KLB: variants seen among roughly 807,000 people sequenced by gnomAD.
KLB encodes the protein beta-klotho.
In KLB, 44 loss-of-function variants were observed where a neutral mutation model predicts 88.4. The ratio of observed to expected loss-of-function variants is 0.50; its 90% confidence interval spans 0.39 to 0.64. The LOEUF (loss-of-function observed/expected upper bound fraction) is 0.64. Among genes scored for constraint, KLB ranks in the 30% least tolerant of loss-of-function variants. The probability of loss-of-function intolerance (pLI) is 0.00; values close to 1 mark genes in which losing one functional copy is unlikely to be tolerated. For synonymous variants in KLB, 548 were observed against 513.4 expected (o/e 1.07, Z -0.91); for missense variants, 1,137 against 1,304.8 (o/e 0.87, Z 1.98).
chr4:39,410,724 AC>A (rs1326209008), intron 1 of KLB, among the ~76,000 whole-genome samples: 1 of 152,170 alleles, frequency 6.6e-6, no homozygotes, highest in Non-Finnish European at 1.5e-5. Flanking sequence ...TAGACCGAAA[AC>A]ATTTATTGAG....
In KLB at chr4:39,446,949, G is replaced by C. The variant is rs143166533; in HGVS notation, c.2223G>C (p.Ser741=). Residue 741 remains serine (S), a synonymous_variant, in exon 4 of 5, where the codon TCG becomes TCC. Coordinates refer to ENST00000257408, the MANE Select transcript of KLB (RefSeq NM_175737.4). This position sits in a 1 kb window ranked among gnomAD's most constrained non-coding sequence, Gnocchi z 6.4. The part of the protein sequence containing the change: ...RPSQRGAVSL[S]LHADWAEPAN... ...CACAGCGCGGGGCCGTGTCGCTGTC[G>C]CTGCACGCGGACTGGGCGGAACCCG... 2.2e-5 allele frequency: 35 copies of C among 1,605,384 alleles called. No individual in the cohort carries two copies. Among genetic ancestry groups the C allele is most frequent in the Non-Finnish European group, 3.0e-5 (35 of 1,178,992 alleles).
intron 1 of KLB, among the ~76,000 whole-genome samples, chr4:39,419,609 C>T (rs565333514): frequency 3.3e-5 from 5 of 151,932 alleles, no homozygotes; most frequent in Admixed American, 6.6e-5. Context: ...CCTGTCTCTA[C>T]TGAAAATACA....
chr4:39,426,391 G>A (rs917550157), intron 1 of KLB, among the ~76,000 whole-genome samples: 8 of 141,944 alleles, frequency 5.6e-5, no homozygotes, highest in Non-Finnish European at 9.1e-5. Context: ...CTCCAGCTGG[G>A]TGACAGAGCA....
intron 1 of KLB, among the ~76,000 whole-genome samples, chr4:39,418,938 C>A (rs1442088495): frequency 2.2e-5 from 3 of 135,184 alleles, no homozygotes; most frequent in Non-Finnish European, 4.8e-5. Context: ...TCAAAGATGC[C>A]ATCTCTAAAA....
At position 39,448,507 on chromosome 4, in the gene KLB, A is replaced by G. The variant is rs747413255; in HGVS notation, c.2956A>G (p.Thr986Ala). The change falls in exon 5 of 5, where the codon ACT becomes GCT. Residue 986 changes from threonine to alanine, a missense_variant. Transcript: ENST00000257408. ...TCAGACCCAAGAAAATACAGAGTGC[A>G]CTGTCTGCTTATTCCTTGTGCAGAA... ...CSQTQENTEC[T>A]VCLFLVQKKP... 1.2e-5 allele frequency: 19 copies of G among 1,614,058 alleles called. No homozygotes were observed. Among genetic ancestry groups the G allele is most frequent in the Non-Finnish European group, 1.6e-5 (19 of 1,180,016 alleles).
At chr4:39,425,085 TATC>T (rs1355584642) in intron 1 of KLB, among the ~76,000 whole-genome samples, 1 of 152,194 alleles carries the variant, frequency 6.6e-6, no homozygotes, top group Non-Finnish European at 1.5e-5. Flanking sequence ...AAGCCTTAAA[TATC>T]ATTACACCCT....
chr4:39,449,766 A>T lies in KLB; in HGVS notation c.*1080A>T, dbSNP rs1743848108. The T allele has an allele frequency of 6.6e-6, 1 of 152,028 alleles. No homozygotes were observed. The allele number at this position is 152,028 out of a possible 1,614,324, so 9.4% of individuals were successfully genotyped here. On this transcript the variant is annotated 3_prime_UTR_variant, in exon 5 of 5. Transcript: ENST00000257408. ...ATGGCAAAACCCCATCTCTACTAAA[A>T]ATACAAAAGTTAGCCGGGCATGGTG...
intron 1 of KLB, among the ~76,000 whole-genome samples, chr4:39,430,301 T>A (rs529196491): frequency 3.3e-5 from 5 of 151,340 alleles, no homozygotes; most frequent in Admixed American, 6.7e-5. Flanking sequence ...GGGTCTTCCA[T>A]GAATGATAGC....
intron 1 of KLB, among the ~76,000 whole-genome samples, chr4:39,416,332 A>G (rs1742964493): frequency 6.6e-6 from 1 of 152,236 alleles, no homozygotes; most frequent in South Asian, 2.1e-4. Context: ...AAAAGTAAAA[A>G]AATAAGTAGC....
rs34831449 is a variant in KLB, at chr4:39,416,108, GAC to G, written c.825+8364_825+8365del. 3.6e-3 allele frequency among the ~76,000 whole-genome samples: 515 copies of G among 142,606 alleles called. 3 individuals carry two copies. The highest frequency in any genetic ancestry group is 8.5e-3 in the South Asian group (38 of 4,456). The allele number at this position is 142,606 out of a possible 152,430, so 93.6% of individuals were successfully genotyped here. A position where few individuals can be genotyped will look rare whatever the true frequency, so the allele number is the denominator to read the frequency against. ...AACAACAAAAAAAAAGTAGATTGCA[GAC>G]ACACACACACACACACACACACACA... On this transcript the variant is annotated intron_variant, in intron 1 of 4. Transcript: ENST00000257408.
At chr4:39,412,173 T>G (rs1436381581) in intron 1 of KLB, among the ~76,000 whole-genome samples, 1 of 152,016 alleles carries the variant, frequency 6.6e-6, no homozygotes, top group Non-Finnish European at 1.5e-5. Flanking sequence ...ATACAATTCA[T>G]CCGTGTAACC....
chr4:39,414,154 A>G (rs1437663514), intron 1 of KLB, among the ~76,000 whole-genome samples: 3 of 152,190 alleles, frequency 2.0e-5, no homozygotes, highest in Non-Finnish European at 4.4e-5. Flanking sequence ...GGTTAAAGAC[A>G]TGAAGCACAA....
At chr4:39,431,486 G>A (rs1743361116) in intron 1 of KLB, among the ~76,000 whole-genome samples, 1 of 151,446 alleles carries the variant, frequency 6.6e-6, no homozygotes, top group African/African-American at 2.4e-5. Flanking sequence ...CCCGACCTCA[G>A]GTGATCCGCC....
chr4:39,426,684 C>T (rs1313584091), intron 1 of KLB, among the ~76,000 whole-genome samples: 1 of 69,806 alleles, frequency 1.4e-5, no homozygotes, highest in Non-Finnish European at 3.8e-5. Context: ...CCTTAAGCAT[C>T]CAATAATTTT....
intron 1 of KLB, among the ~76,000 whole-genome samples, chr4:39,420,865 A>G (rs946182533): frequency 1.4e-5 from 2 of 141,664 alleles, no homozygotes; most frequent in African/African-American, 4.9e-5. Flanking sequence ...AAAACATTCA[A>G]ACAACACAGA....
intron 3 of KLB, among the ~76,000 whole-genome samples, chr4:39,439,768 A>G (rs1743557553): frequency 6.6e-6 from 1 of 152,040 alleles, no homozygotes; most frequent in Non-Finnish European, 1.5e-5. Flanking sequence ...CCTGGGTTCA[A>G]GCAATTGTCC....
rs1390046271 is a variant in KLB at position 39,437,993 on chromosome 4, A to C, written c.1603A>C (p.Lys535Gln). 1 of 1,611,630 alleles carries C rather than the reference A, an allele frequency of 6.2e-7. No individual in the cohort carries two copies. Among genetic ancestry groups the C allele is most frequent in the African/African-American group, 1.3e-5 (1 of 74,782 alleles). The change falls in exon 3 of 5, where the codon AAG becomes CAG. Residue 535 changes from lysine (K) to glutamine (Q), a missense_variant and splice_region_variant. Lys to Gln is a moderately conservative substitution (Grantham distance 53). This residue lies in a region of KLB where 597 missense variants were observed against 765.2 expected (regional missense o/e 0.78). Transcript: ENST00000257408. ...CTGGGGTGTCACTGAATCTGTTCTTAAGGTAAGTGGTTACTTCCAAATTAA... is the reference window on the plus strand; with the variant it reads ...CTGGGGTGTCACTGAATCTGTTCTTCAGGTAAGTGGTTACTTCCAAATTAA... ...FSWGVTESVLKPESVASSPQF... is the reference protein window; with the variant it reads ...FSWGVTESVLQPESVASSPQF...
rs762360752 is a variant in KLB, at chr4:39,434,650, C to T, written c.1266C>T (p.Asp422=). The T allele has an allele frequency of 6.2e-7, 1 of 1,613,626 alleles. No homozygotes were observed. The highest frequency in any genetic ancestry group is 1.1e-5 in the South Asian group (1 of 91,070). Residue 422 remains aspartate, a synonymous_variant, in exon 2 of 5, where the codon GAC becomes GAT. Transcript: ENST00000257408. ...TTGCTGAGAATGGCTGGTTCACAGA[C>T]AGTCGTGTGAAAACAGAAGACACCA... ...ILIAENGWFT[D]SRVKTEDTTA... is the part of the protein sequence containing the mutation.
chr4:39,430,409 G>GAA (rs4008368), intron 1 of KLB, among the ~76,000 whole-genome samples: 1,679 of 134,072 alleles, frequency 0.013, 43 homozygotes, highest in African/African-American at 0.041. Context: ...TTTCTAATTA[G>GAA]AAAAAAAAAA....
Sources: gnomAD v4.1 joint callset for allele counts (sites outside exome capture counted in the v4.1 genomes callset) on GRCh38, gnomAD v4.1.1 for gene constraint, gnomAD v4.1.1 regional missense constraint, Gnocchi (gnomAD v3.1) non-coding constraint, MANE v1.5 for transcripts, NCBI Gene and HGNC (gene_info 2026-07-23, HGNC 2026-07-21) for gene names.